Variants in GNB1 observed in about 807,000 individuals in gnomAD.
GNB1 encodes G protein subunit beta 1, also known as guanine nucleotide-binding protein G(I)/G(S)/G(T) subunit beta-1.
In GNB1, 2 loss-of-function variants were observed where a neutral mutation model predicts 42.9. That is an observed-to-expected ratio of 0.05 (90% CI 0.02 to 0.15). GNB1 has a LOEUF of 0.15. GNB1 is among the 10% of genes least tolerant of loss of function. The probability of loss-of-function intolerance (pLI) is 1.00; values close to 1 mark genes in which losing one functional copy is unlikely to be tolerated. For synonymous variants in GNB1, 183 were observed against 174.7 expected, an observed-to-expected ratio of 1.05 and a Z score of -0.38; for missense variants, 193 against 462.2, an observed-to-expected ratio of 0.42 and a Z score of 5.34.
rs150728956 is a variant in GNB1 at position 1,859,787 on chromosome 1, A to G, written c.-95-20549T>C. On this transcript the variant is annotated intron_variant, in intron 1 of 11. Coordinates refer to ENST00000378609, the MANE Select transcript of GNB1 (RefSeq NM_002074.5). ...ACTTTGGGAGGCCGAGAGGCGGGCA[A>G]ATCAGGAGGTCAGGAGATCGAGATC... Among the ~76,000 whole-genome samples the G allele has an allele frequency of 8.4e-3, 1,273 of 151,840 alleles. 21 individuals are homozygous for G. Among genetic ancestry groups the G allele is most frequent in the African/African-American group, 0.029 (1,221 of 41,408 alleles).
chr1:1,850,629 G>A (rs1232910416), intron 1 of GNB1, among the ~76,000 whole-genome samples: 4 of 151,696 alleles, frequency 2.6e-5, no homozygotes, highest in African/African-American at 7.3e-5. Context: ...TGAAATTCTC[G>A]ATCTTTTCAC....
At chr1:1,796,703 T>C (rs1646551307) in intron 7 of GNB1, among the ~76,000 whole-genome samples, 1 of 152,090 alleles carries the variant, frequency 6.6e-6, no homozygotes, top group Non-Finnish European at 1.5e-5. Flanking sequence ...TGAACAAAAG[T>C]GTGCACCCAG....
chr1:1,869,844 C>T (rs184437124), intron 1 of GNB1, among the ~76,000 whole-genome samples: 4 of 152,168 alleles, frequency 2.6e-5, no homozygotes, highest in Admixed American at 2.0e-4. Flanking sequence ...TTTGTTATGT[C>T]TTCAGATTCA....
In GNB1 at chr1:1,804,578, G is replaced by A; in HGVS notation, c.271C>T (p.His91Tyr). 6.3e-7 allele frequency: 1 copy of A among 1,586,384 alleles called. No individual in the cohort carries two copies. Among genetic ancestry groups the A allele is most frequent in the Non-Finnish European group, 8.6e-7 (1 of 1,165,214 alleles). ...IWDSYTTNKV[H>Y]AIPLRSSWVM... ...CAGGAGGAGCGCAGAGGGATGGCGT[G>A]GACCTAATGACAGAAAGACAGATGA... is the stretch of plus-strand genomic sequence containing the variant. Residue 91 changes from histidine to tyrosine, a missense_variant, in exon 7 of 12, where the codon CAC (histidine) becomes TAC (tyrosine). Around this residue, in one of 2 missense-constraint regions of GNB1, gnomAD observed 150 missense variants for 410.8 expected, o/e 0.37. Coordinates refer to ENST00000378609, the MANE Select transcript of GNB1 (RefSeq NM_002074.5).
At chr1:1,836,952 G>A (rs967887713) in intron 2 of GNB1, among the ~76,000 whole-genome samples, 2 of 150,410 alleles carry the variant, frequency 1.3e-5, no homozygotes, top group African/African-American at 4.9e-5. Flanking sequence ...CTCCCAAAGT[G>A]CTGGGATTAC....
chr1:1,788,982 C>A, intron 10 of GNB1, 71 bp downstream of exon 10: 1 of 1,101,058 alleles, frequency 9.1e-7, no homozygotes, highest in Non-Finnish European at 1.4e-6. Flanking sequence ...GCTTATGCAA[C>A]CACTCTGTGT....
At chr1:1,824,176 T>C (rs1646967374) in intron 3 of GNB1, among the ~76,000 whole-genome samples, 1 of 152,194 alleles carries the variant, frequency 6.6e-6, no homozygotes, top group South Asian at 2.1e-4. Flanking sequence ...TGGTTTTTCC[T>C]GAGAAGTCTG....
chr1:1,813,838 T>G (rs1191543914), intron 5 of GNB1, among the ~76,000 whole-genome samples: 1 of 152,220 alleles, frequency 6.6e-6, no homozygotes, highest in Non-Finnish European at 1.5e-5. Flanking sequence ...AGTAATTATA[T>G]GTATATTTAC....
At chr1:1,819,145 C>T (rs777509336) in intron 3 of GNB1, among the ~76,000 whole-genome samples, 1 of 151,214 alleles carries the variant, frequency 6.6e-6, no homozygotes, top group East Asian at 1.9e-4. Flanking sequence ...TAGAAAGGTA[C>T]GTAACATGAA....
chr1:1,884,337 A>G (rs1308323742), intron 1 of GNB1, among the ~76,000 whole-genome samples: 2 of 151,986 alleles, frequency 1.3e-5, no homozygotes, highest in African/African-American at 2.4e-5. Context: ...TCGGCCTCCC[A>G]AAGTGCTGGA....
chr1:1,795,751 T>TCAAAAAGA (rs1553192938), intron 7 of GNB1, among the ~76,000 whole-genome samples: 2 of 150,764 alleles, frequency 1.3e-5, no homozygotes, highest in Non-Finnish European at 3.0e-5. Flanking sequence ...AGACTCTGCC[T>TCAAAAAGA]CAAAAAAACA....
chr1:1,847,943 G>A (rs146652180), intron 1 of GNB1, among the ~76,000 whole-genome samples: 134 of 152,272 alleles, frequency 8.8e-4, no homozygotes, highest in Non-Finnish European at 1.7e-3. Flanking sequence ...CCAAAAACAC[G>A]TGGACACTGG....
Position 1,837,434 on chromosome 1 carries a change from T to C in GNB1, c.-47+1756A>G, listed in dbSNP as rs143661260. 5.1e-3 allele frequency among the ~76,000 whole-genome samples: 778 copies of C among 152,100 alleles called. 6 individuals are homozygous for C. Among genetic ancestry groups the C allele is most frequent in the African/African-American group, 0.017 (717 of 41,508 alleles). The stretch of plus-strand genomic sequence containing the variant: ...CACGCCTGGCTAATTTTTTGTATTT[T>C]CAGTAGAGACGGGGTTTCATCGTGT... On this transcript the variant is annotated intron_variant, in intron 2 of 11. Transcript: ENST00000378609.
intron 1 of GNB1, among the ~76,000 whole-genome samples, chr1:1,888,161 G>C (rs1435144026): frequency 6.6e-6 from 1 of 152,142 alleles, no homozygotes; most frequent in African/African-American, 2.4e-5. Context: ...GAGAGAAATA[G>C]CTTTTGGCCA....
At chr1:1,841,296 T>C (rs10907189) in intron 1 of GNB1, among the ~76,000 whole-genome samples, 126,054 of 152,012 alleles carry the variant, frequency 0.83, 54,318 homozygotes, top group Non-Finnish European at 0.95. Flanking sequence ...TCCAGCGATT[T>C]TCCTGCCTCA....
At chr1:1,863,970 G>A (rs1213577687) in intron 1 of GNB1, among the ~76,000 whole-genome samples, 3 of 152,080 alleles carry the variant, frequency 2.0e-5, no homozygotes, top group Non-Finnish European at 2.9e-5. Flanking sequence ...AGGCCAAGGC[G>A]GGTGGATCCA....
chr1:1,791,274 C>T (rs530277987), intron 8 of GNB1, among the ~76,000 whole-genome samples: 1 of 151,618 alleles, frequency 6.6e-6, no homozygotes, highest in Non-Finnish European at 1.5e-5. Context: ...CGAGTTCAAG[C>T]GATTCTCCTG....
At chr1:1,848,506 CTCTT>C (rs1271776313) in intron 1 of GNB1, among the ~76,000 whole-genome samples, 1 of 152,200 alleles carries the variant, frequency 6.6e-6, no homozygotes, top group African/African-American at 2.4e-5. Flanking sequence ...CCAATCCCAT[CTCTT>C]TCTCCTCCTC....
intron 5 of GNB1, among the ~76,000 whole-genome samples, chr1:1,814,724 C>G (rs1646826730): frequency 6.7e-6 from 1 of 149,236 alleles, no homozygotes; most frequent in African/African-American, 2.5e-5. Flanking sequence ...GTTACTGGAG[C>G]CTAGGACGTC....
Sources: allele counts gnomAD v4.1 joint callset (sites outside exome capture counted in the v4.1 genomes callset), GRCh38; gene constraint gnomAD v4.1.1; regional missense constraint gnomAD v4.1.1; transcripts MANE v1.5; gene names NCBI Gene and HGNC (gene_info 2026-07-23, HGNC 2026-07-21).